TBC1D32: variants seen among roughly 807,000 people sequenced by gnomAD.
The protein encoded by TBC1D32 is protein broad-minded.
A neutral mutation model predicts 170.3 loss-of-function variants in TBC1D32; 151 were observed. The observed-to-expected ratio is 0.89, with a 90% CI of 0.78 to 1.01. The LOEUF is 1.01. TBC1D32 is among the 50% of genes least tolerant of loss of function. TBC1D32 has a pLI of 0.00. For synonymous variants in TBC1D32, 498 were observed against 488.0 expected (o/e 1.02, Z -0.27); for missense variants, 1,464 against 1,457.1 (o/e 1.00, Z -0.08).
chr6:121,208,546 G>A (rs912369710), intron 21 of TBC1D32, among the ~76,000 whole-genome samples: 1 of 151,750 alleles, frequency 6.6e-6, no homozygotes, highest in Non-Finnish European at 1.5e-5. Flanking sequence ...AATTCAAGAC[G>A]AGATCTGGGT....
intron 13 of TBC1D32, among the ~76,000 whole-genome samples, chr6:121,281,921 G>T (rs773530320): frequency 6.6e-6 from 1 of 151,530 alleles, no homozygotes; most frequent in Non-Finnish European, 1.5e-5. Flanking sequence ...GCCAAAAGAC[G>T]AGAATACAAA....
At chr6:121,333,777 G>C (rs1198358232) in intron 1 of TBC1D32, among the ~76,000 whole-genome samples, 1 of 152,108 alleles carries the variant, frequency 6.6e-6, no homozygotes, top group Non-Finnish European at 1.5e-5. Context: ...TAAAAATATA[G>C]AGGCGGCGGC....
chr6:121,284,481 T>C (rs78146159), intron 12 of TBC1D32, among the ~76,000 whole-genome samples: 4,982 of 152,228 alleles, frequency 0.033, 187 homozygotes, highest in East Asian at 0.12. Flanking sequence ...GTATATTTCT[T>C]ACATATCACA....
chr6:121,172,313 T>G (rs2128255449), intron 22 of TBC1D32, among the ~76,000 whole-genome samples: 1 of 152,254 alleles, frequency 6.6e-6, no homozygotes, highest in South Asian at 2.1e-4. Context: ...GTCAACAGGC[T>G]AAGGAGTTAC....
chr6:121,103,274 C>T (rs1778330024), intron 30 of TBC1D32, among the ~76,000 whole-genome samples: 1 of 152,064 alleles, frequency 6.6e-6, no homozygotes, highest in African/African-American at 2.4e-5. Context: ...GCTGTAAGGA[C>T]ACATGCACAC....
rs1582730202 is a variant in TBC1D32 at position 121,092,848 on chromosome 6, G to A, written c.3466-1807C>T. Among the ~76,000 whole-genome samples, 4 of 152,230 alleles carry A rather than the reference G, an allele frequency of 2.6e-5. No individual in the cohort carries two copies. The South Asian group carries it at 8.3e-4, about 32-fold the overall frequency. ...AAATATAGTCACATTCTGAAGTAGT[G>A]GGGTTAGGATTTCAACAGGTGAGTT... is the stretch of plus-strand genomic sequence containing the variant. On this transcript the variant is annotated intron_variant, in intron 30 of 31. Transcript: ENST00000398212.
Position 121,334,474 on chromosome 6 carries a change from C to A in TBC1D32, c.-44G>T, listed in dbSNP as rs1051245550. 6 of 1,577,056 alleles carry A rather than the reference C, an allele frequency of 3.8e-6. No homozygotes were observed. In the African/African-American group the frequency reaches 6.8e-5, roughly 18 times the overall value. On this transcript the variant is annotated 5_prime_UTR_variant, in exon 1 of 32. Coordinates refer to ENST00000398212, the MANE Select transcript of TBC1D32 (RefSeq NM_152730.6). ...CCACTCTCATTACTCCAGGTCCGAG[C>A]AAAAGCCGCGCACTGCGCACGCGCA... is the stretch of plus-strand genomic sequence containing the variant.
rs758742970 is a variant in TBC1D32 at position 121,304,618 on chromosome 6, A to G, written c.777T>C (p.Tyr259=). The part of the protein sequence containing the change: ...TKEIYTSLAK[Y]LESYFLSREN... ...CCCTAGAAAGAAAGTATGACTCCAA[A>G]TACTTAGCTGAAAAAAAAGGGAAAA... The change falls in exon 7 of 32, where the codon TAT becomes TAC. Residue 259 remains tyrosine, a synonymous_variant. Coordinates refer to ENST00000398212, the MANE Select transcript of TBC1D32 (RefSeq NM_152730.6). 2 of 1,600,840 alleles carry G rather than the reference A, an allele frequency of 1.2e-6. No individual in the cohort carries two copies. The highest frequency in any genetic ancestry group is 2.7e-5 in the African/African-American group (2 of 74,054).
At chr6:121,147,520 G>A (rs1207957946) in intron 24 of TBC1D32, among the ~76,000 whole-genome samples, 1 of 152,190 alleles carries the variant, frequency 6.6e-6, no homozygotes, top group East Asian at 1.9e-4. Context: ...TCTGACTGGT[G>A]AGAGATGGTA....
At chr6:121,210,419 C>T (rs1053227390) in intron 21 of TBC1D32, among the ~76,000 whole-genome samples, 8 of 152,186 alleles carry the variant, frequency 5.3e-5, no homozygotes, top group Admixed American at 3.3e-4. Context: ...ATCTTACTGA[C>T]GGGAATGCAA....
At chr6:121,268,170 A>C (rs1320985427) in intron 15 of TBC1D32, among the ~76,000 whole-genome samples, 6 of 151,522 alleles carry the variant, frequency 4.0e-5, no homozygotes, top group Non-Finnish European at 8.8e-5. Context: ...AGAGCAGAAA[A>C]GCGAAAATTC....
chr6:121,161,703 T>C (rs2128245327), intron 22 of TBC1D32, among the ~76,000 whole-genome samples: 1 of 152,336 alleles, frequency 6.6e-6, no homozygotes, highest in South Asian at 2.1e-4. Context: ...ATATACCCAG[T>C]AATGGGATTG....
intron 1 of TBC1D32, among the ~76,000 whole-genome samples, chr6:121,324,910 A>G (rs1246348707): frequency 6.6e-6 from 1 of 152,170 alleles, no homozygotes; most frequent in Non-Finnish European, 1.5e-5. Flanking sequence ...CGATGAGGTA[A>G]GTCAAAAAAG....
rs1802980994 is a variant in TBC1D32 at position 121,281,570 on chromosome 6, T to C, written c.1582A>G (p.Ile528Val). Residue 528 changes from isoleucine to valine, a missense_variant, in exon 14 of 32, where the codon ATT (isoleucine) becomes GTT (valine). Physicochemically the swap from Ile to Val is conservative, Grantham distance 29. Coordinates refer to ENST00000398212, the MANE Select transcript of TBC1D32 (RefSeq NM_152730.6). The part of the protein sequence containing the change: ...NIVIETLLQP[I>V]HNLMKGNEAS... ...TCATTTCCTTTCATTAAATTGTGAA[T>C]AGGCTGAAGAAGTGTCTCTATTACA... The C allele has an allele frequency of 1.2e-6, 2 of 1,605,662 alleles. No individual in the cohort carries two copies. The highest frequency in any genetic ancestry group is 1.3e-5 in the African/African-American group (1 of 74,538).
At position 121,101,162 on chromosome 6, in the gene TBC1D32, G is replaced by C. The variant is rs900541807; in HGVS notation, c.3465+4861C>G. Reference sequence around the variant, plus strand: ...CAGCCGAATTCTACCAGAGGTACAAGGAGGAGCTGGTACCATTCCTTCTGA... The same window carrying C: ...CAGCCGAATTCTACCAGAGGTACAACGAGGAGCTGGTACCATTCCTTCTGA... On this transcript the variant is annotated intron_variant, in intron 30 of 31. Transcript: ENST00000398212. Among the ~76,000 whole-genome samples the C allele has an allele frequency of 5.9e-5, 9 of 152,106 alleles. No individual in the cohort carries two copies. In the East Asian group the frequency reaches 1.7e-3, roughly 30 times the overall value.
rs199899021 is a variant in TBC1D32 at position 121,210,987 on chromosome 6, T to TA, written c.2482-5825dup. 5.0e-5 allele frequency among the ~76,000 whole-genome samples: 7 copies of TA among 141,234 alleles called. No homozygotes were observed. The South Asian group carries it at 6.5e-4, about 13-fold the overall frequency. 92.7% of individuals were successfully genotyped at this position (141,234 alleles called of 152,430 possible). A position where few individuals can be genotyped will look rare whatever the true frequency, so the allele number is the denominator to read the frequency against. On this transcript the variant is annotated intron_variant, in intron 21 of 31. Coordinates refer to ENST00000398212, the MANE Select transcript of TBC1D32 (RefSeq NM_152730.6). ...TTTGTAAGAATTTGTTATACGACAA[T>TA]AAAAAAAATATAGACACACTGGCAA...
intron 25 of TBC1D32, 26 bp downstream of exon 25, chr6:121,131,601 A>C (rs2128217829): frequency 6.3e-7 from 1 of 1,588,028 alleles, no homozygotes; most frequent in Middle Eastern, 1.7e-4. Context: ...ACATAAGAAA[A>C]CCCACAATGG....
rs748983448 is a variant in TBC1D32, at chr6:121,239,086, T to C, written c.2348A>G (p.Asp783Gly). 1.3e-6 allele frequency: 2 copies of C among 1,591,718 alleles called. No homozygotes were observed. The highest frequency in any genetic ancestry group is 1.7e-6 in the Non-Finnish European group (2 of 1,163,884). The change falls in exon 20 of 32, where the codon GAC becomes GGC. Residue 783 changes from aspartate to glycine, a missense_variant. Coordinates refer to ENST00000398212, the MANE Select transcript of TBC1D32 (RefSeq NM_152730.6). ...ACTTCTTACCTTTTGACAGCTTCGG[T>C]CAATAGGATCCACTGGAGTAGTTCT... Reference protein sequence around the residue: ...HPRTTPVDPIDRSCQKSFLAL... With the variant: ...HPRTTPVDPIGRSCQKSFLAL...
intron 21 of TBC1D32, among the ~76,000 whole-genome samples, chr6:121,206,039 G>A (rs558329218): frequency 1.1e-4 from 17 of 152,038 alleles, no homozygotes; most frequent in Admixed American, 6.5e-4. Flanking sequence ...GTGAAACACC[G>A]TCTCTAGTAA....
Sources: gnomAD v4.1 joint callset for allele counts (sites outside exome capture counted in the v4.1 genomes callset) on GRCh38, gnomAD v4.1.1 for gene constraint, MANE v1.5 for transcripts, NCBI Gene and HGNC (gene_info 2026-07-23, HGNC 2026-07-21) for gene names.